MTMR10: variants seen among roughly 807,000 people sequenced by gnomAD.
MTMR10 encodes the protein myotubularin related protein 10.
A neutral mutation model predicts 88.1 loss-of-function variants in MTMR10; 56 were observed. That is an observed-to-expected ratio of 0.64 (90% confidence interval 0.51 to 0.79). The LOEUF (loss-of-function observed/expected upper bound fraction) is 0.79. MTMR10 is among the 30% of genes least tolerant of loss of function. The pLI, the probability that MTMR10 is intolerant of heterozygous loss-of-function variation, is 0.00. For synonymous variants in MTMR10, 380 were observed against 340.9 expected (o/e 1.11, Z -1.26); for missense variants, 883 against 924.7 (o/e 0.95, Z 0.58).
chr15:30,955,320 G>A (rs543903428), intron 9 of MTMR10, among the ~76,000 whole-genome samples: 1 of 152,284 alleles, frequency 6.6e-6, no homozygotes, highest in Non-Finnish European at 1.5e-5. Context: ...GCCCAGGCTG[G>A]AGTGCAGTGG....
chr15:30,930,959 C>G, the MTMR10 span, among the ~76,000 whole-genome samples: 1 of 152,184 alleles, frequency 6.6e-6, no homozygotes, highest in Non-Finnish European at 1.5e-5. Context: ...GAACGAGTCT[C>G]TAGTCCAGCT....
chr15:30,971,344 A>G (rs1185546342), intron 5 of MTMR10, among the ~76,000 whole-genome samples: 1 of 152,188 alleles, frequency 6.6e-6, no homozygotes. Flanking sequence ...AAGTACCCAC[A>G]GTGGATGGTT....
chr15:30,976,907 G>A lies in MTMR10; in HGVS notation c.170C>T (p.Thr57Ile). Residue 57 changes from threonine to isoleucine, a missense_variant, in exon 3 of 16, where the codon ACA becomes ATA. Physicochemically the swap from Thr to Ile is moderately conservative, Grantham distance 89 (BLOSUM62 -1). Transcript: ENST00000435680. Reference protein sequence around the residue: ...EVNFVRKCIATDTSQYDLWGK... With the variant: ...EVNFVRKCIAIDTSQYDLWGK... ...CCACAAATCGTACTGGCTTGTGTCT[G>A]TTGCAATGCATTTTCTCACAAAATT... The A allele has an allele frequency of 1.2e-6, 2 of 1,613,592 alleles. No individual in the cohort carries two copies. Among genetic ancestry groups the A allele is most frequent in the Non-Finnish European group, 1.7e-6 (2 of 1,179,750 alleles).
At chr15:30,946,103 T>G (rs1376382296) in intron 14 of MTMR10, 3 of 152,242 alleles carry the variant, frequency 2.0e-5, no homozygotes, top group Admixed American at 6.5e-5. Context: ...CCCTCCTGAT[T>G]CCCCTGTCTT....
intron 12 of MTMR10, chr15:30,948,800 T>A: frequency 3.0e-6 from 1 of 337,084 alleles, no homozygotes; most frequent in Non-Finnish European, 5.4e-6. Flanking sequence ...GTATTAAGTA[T>A]AAGGTAATCT....
At chr15:30,923,276 G>C in the MTMR10 span, among the ~76,000 whole-genome samples, 2 of 152,140 alleles carry the variant, frequency 1.3e-5, no homozygotes, top group African/African-American at 2.4e-5. Context: ...CTTACCACTC[G>C]GTGTTTACTG....
At chr15:30,943,715 T>A in intron 14 of MTMR10, 1 of 985,456 alleles carries the variant, frequency 1.0e-6, no homozygotes, top group Non-Finnish European at 1.2e-6. Context: ...TGCAGCCTAG[T>A]TATCTGGCTT....
chr15:30,937,957 A>T (rs537583388), downstream of MTMR10, among the ~76,000 whole-genome samples: 1 of 151,324 alleles, frequency 6.6e-6, no homozygotes, highest in Admixed American at 6.6e-5. Flanking sequence ...TGAGCGAGGC[A>T]GGCGCATCAT....
chr15:30,966,407 C>T (rs1019597999), intron 6 of MTMR10, among the ~76,000 whole-genome samples: 2 of 152,130 alleles, frequency 1.3e-5, no homozygotes, highest in Admixed American at 1.3e-4. Flanking sequence ...TTGCTGAGCC[C>T]AAGTCACTAC....
chr15:30,961,128 C>A, intron 6 of MTMR10, 55 bp from the exon 7 acceptor site: 2 of 1,499,272 alleles, frequency 1.3e-6, no homozygotes, highest in Non-Finnish European at 1.8e-6. Flanking sequence ...CCCAGCATTC[C>A]CTCTTCTCTG....
At chr15:30,929,951 T>TATATAAAATATATAATATA in the MTMR10 span, among the ~76,000 whole-genome samples, 1 of 119,768 alleles carries the variant, frequency 8.3e-6, no homozygotes, top group African/African-American at 3.4e-5. Flanking sequence ...TATAATATAA[T>TATATAAAATATATAATATA]ATATATCATA....
intron 15 of MTMR10, 28 bp from the exon 16 acceptor site, chr15:30,942,100 CG>C: frequency 6.3e-7 from 1 of 1,578,930 alleles, no homozygotes; most frequent in Non-Finnish European, 8.6e-7. Context: ...TATTATGTTC[CG>C]GGGATTCCCT....
chr15:30,986,173 C>T (rs2030926801), intron 2 of MTMR10, among the ~76,000 whole-genome samples: 1 of 151,784 alleles, frequency 6.6e-6, no homozygotes, highest in Non-Finnish European at 1.5e-5. Flanking sequence ...AAAAATTAGC[C>T]AGGTGTGGTG....
At chr15:30,927,479 C>T in the MTMR10 span, 4,797 of 985,688 alleles carry the variant, frequency 4.9e-3, 172 homozygotes, top group African/African-American at 0.077. Context: ...GGACAGAGAG[C>T]AGCACAGCCT....
chr15:30,936,366 G>C (rs1463042042), downstream of MTMR10, among the ~76,000 whole-genome samples: 2 of 152,022 alleles, frequency 1.3e-5, no homozygotes, highest in South Asian at 4.1e-4. Flanking sequence ...GCAAGTGGAA[G>C]TGAGGGCCTT....
chr15:30,967,938 T>C lies in MTMR10; in HGVS notation c.547A>G (p.Lys183Glu), dbSNP rs185348229. 57 of 1,561,348 alleles carry C rather than the reference T, an allele frequency of 3.7e-5. No individual in the cohort carries two copies. The African/African-American group carries it at 6.4e-4, about 17-fold the overall frequency. The change falls in exon 6 of 16, where the codon AAA (lysine) becomes GAA (glutamate). Residue 183 changes from lysine (K) to glutamate (E), a missense_variant. Lys to Glu is a moderately conservative substitution (Grantham distance 56). Transcript: ENST00000435680. ...TATTTACCTGAATTGTGGTATTTTT[T>C]CCCAACATATTCAAATGCAAAGAGT... The part of the protein sequence containing the change: ...QLLFAFEYVG[K>E]KYHNSANKIN...
the MTMR10 span, among the ~76,000 whole-genome samples, chr15:30,920,108 G>A: frequency 1.1e-4 from 16 of 152,202 alleles, no homozygotes; most frequent in African/African-American, 3.4e-4. Context: ...CAAGAAGTAC[G>A]TATGCAAATG....
At chr15:30,921,715 G>A in the MTMR10 span, among the ~76,000 whole-genome samples, 1 of 152,146 alleles carries the variant, frequency 6.6e-6, no homozygotes, top group Non-Finnish European at 1.5e-5. Context: ...AGACATCCAT[G>A]AGCCACAGAA....
chr15:30,939,683 C>G lies in MTMR10; in HGVS notation c.*1787G>C, dbSNP rs570045819. 108 of 957,010 alleles carry G rather than the reference C, an allele frequency of 1.1e-4. No homozygotes were observed. Among genetic ancestry groups the G allele is most frequent in the Non-Finnish European group, 1.3e-4 (107 of 804,612 alleles). 59.3% of individuals were successfully genotyped at this position (957,010 alleles called of 1,614,324 possible). A position where few individuals can be genotyped will look rare whatever the true frequency, so the allele number is the denominator to read the frequency against. Reference sequence around the variant, plus strand: ...AAATAAACGTGAAGGAAGAAAATTACAGAGGGAAAAATGCTCAATCCAAAA... The same window carrying G: ...AAATAAACGTGAAGGAAGAAAATTAGAGAGGGAAAAATGCTCAATCCAAAA... On this transcript the variant is annotated 3_prime_UTR_variant, in exon 16 of 16. Transcript: ENST00000435680.
Sources: gnomAD v4.1 joint callset for allele counts (sites outside exome capture counted in the v4.1 genomes callset) on GRCh38, gnomAD v4.1.1 for gene constraint, MANE v1.5 for transcripts, NCBI Gene and HGNC (gene_info 2026-07-23, HGNC 2026-07-21) for gene names.